Variants in COL8A2 observed in about 807,000 individuals in gnomAD.
The protein encoded by COL8A2 is collagen type VIII alpha 2 chain.
Under a neutral mutation model 24.0 loss-of-function variants are expected in COL8A2, and 16 were observed. The observed-to-expected ratio is 0.67, with a 90% confidence interval of 0.45 to 1.01. The LOEUF (loss-of-function observed/expected upper bound fraction) is 1.01. COL8A2 is among the 50% of genes least tolerant of loss of function. COL8A2 has a pLI of 0.00. For missense variants in COL8A2, 818 were observed against 942.4 expected, an observed-to-expected ratio of 0.87 and a Z score of 1.73; for synonymous variants, 466 against 424.5, an observed-to-expected ratio of 1.10 and a Z score of -1.20.
chr1:36,123,524 C>A lies in COL8A2; in HGVS notation c.-62+1533G>T, dbSNP rs1482419890. On this transcript the variant is annotated intron_variant, in intron 1 of 3. Transcript: ENST00000397799. This position sits in a 1 kb window ranked among gnomAD's most constrained non-coding sequence, Gnocchi z 4.1. ...GACGAAGTGAAACCAGAGAAAGAGA[C>A]CCTGGTGAGTGTGTCTGGGTGTGAG... 6.6e-6 allele frequency among the ~76,000 whole-genome samples: 1 copy of A among 152,138 alleles called. No homozygotes were observed. Among genetic ancestry groups the A allele is most frequent in the Admixed American group, 6.6e-5 (1 of 15,266 alleles).
intron 1 of COL8A2, among the ~76,000 whole-genome samples, chr1:36,120,220 C>G (rs957490374): frequency 2.2e-4 from 34 of 152,228 alleles, no homozygotes; most frequent in African/African-American, 8.2e-4. Context: ...TTGGGAGGCT[C>G]AGGCGGGCGG....
intron 2 of COL8A2, among the ~76,000 whole-genome samples, chr1:36,114,740 G>A (rs1004995990): frequency 2.0e-5 from 3 of 152,064 alleles, no homozygotes; most frequent in Non-Finnish European, 2.9e-5. Context: ...GATGAAGCCT[G>A]TAGCCTGGGG....
In COL8A2 at chr1:36,095,649, G is replaced by T. The variant is rs578129822; in HGVS notation, c.*1920C>A. 5.9e-5 allele frequency: 9 copies of T among 152,168 alleles called. No homozygotes were observed. Among genetic ancestry groups the T allele is most frequent in the Non-Finnish European group, 1.0e-4 (7 of 68,034 alleles). The allele number at this position is 152,168 out of a possible 1,614,324, so 9.4% of individuals were successfully genotyped here. A position where few individuals can be genotyped will look rare whatever the true frequency, so the allele number is the denominator to read the frequency against. Reference sequence around the variant, plus strand: ...GGCAGAAGCTCAGCTCTGTGAAATAGCTCCCGTTTTTTTTCTTGGGACCCT... The same window carrying T: ...GGCAGAAGCTCAGCTCTGTGAAATATCTCCCGTTTTTTTTCTTGGGACCCT... On this transcript the variant is annotated 3_prime_UTR_variant, in exon 4 of 4. Coordinates refer to ENST00000397799, the MANE Select transcript of COL8A2 (RefSeq NM_005202.4).
At chr1:36,113,671 T>G (rs1233233816) in intron 2 of COL8A2, among the ~76,000 whole-genome samples, 2 of 152,194 alleles carry the variant, frequency 1.3e-5, no homozygotes, top group Non-Finnish European at 2.9e-5. Flanking sequence ...AGGGCAGGAC[T>G]GCCTGGGGGC....
Position 36,098,130 on chromosome 1 carries a change from G to T in COL8A2, c.1551C>A (p.Ile517=), listed in dbSNP as rs1643605082. The part of the protein sequence containing the change: ...GPPGVPGSPG[I]TGPPGPPGPP... ...GCCCGGGAGGCCCCGGAGGGCCCGTGATTCCAGGGGAGCCAGGGACCCCTG... is the reference window on the plus strand; with the variant it reads ...GCCCGGGAGGCCCCGGAGGGCCCGTTATTCCAGGGGAGCCAGGGACCCCTG... Residue 517 remains isoleucine, a synonymous_variant, in exon 4 of 4, where the codon ATC becomes ATA. Coordinates refer to ENST00000397799, the MANE Select transcript of COL8A2 (RefSeq NM_005202.4). The T allele has an allele frequency of 2.0e-6, 3 of 1,485,510 alleles. No individual in the cohort carries two copies. Among genetic ancestry groups the T allele is most frequent in the Admixed American group, 5.1e-5 (2 of 39,014 alleles). The allele number at this position is 1,485,510 out of a possible 1,614,324, so 92.0% of individuals were successfully genotyped here. A position where few individuals can be genotyped will look rare whatever the true frequency, so the allele number is the denominator to read the frequency against.
intron 2 of COL8A2, among the ~76,000 whole-genome samples, chr1:36,113,287 T>A (rs1364086216): frequency 6.6e-6 from 1 of 152,232 alleles, no homozygotes; most frequent in African/African-American, 2.4e-5. Flanking sequence ...GTCTCTCTCA[T>A]CCTGTCTCTG....
rs762097527 is a variant in COL8A2, at chr1:36,100,098, T to C, written c.145A>G (p.Lys49Glu). The C allele has an allele frequency of 3.1e-6, 5 of 1,612,590 alleles. No individual in the cohort carries two copies. The African/African-American group carries it at 6.7e-5, about 22-fold the overall frequency. Residue 49 changes from lysine to glutamate, a missense_variant, in exon 3 of 4, where the codon AAA becomes GAA. By Grantham distance (56) the Lys-to-Glu change is moderately conservative. This residue lies in a region of COL8A2 where 573 missense variants were observed against 616.8 expected (regional missense o/e 0.93). Coordinates refer to ENST00000397799, the MANE Select transcript of COL8A2 (RefSeq NM_005202.4). ...CGGAAGGGCGGTCCCACAGGTCCTT[T>C]CTGCATGGGCTGGATGTACTTCACT... ...APVKYIQPMQ[K>E]GPVGPPFREG...
chr1:36,104,746 G>T (rs1643731157), intron 2 of COL8A2, among the ~76,000 whole-genome samples: 1 of 152,112 alleles, frequency 6.6e-6, no homozygotes, highest in African/African-American at 2.4e-5. Flanking sequence ...GGTGAGCCGA[G>T]GTCGCGCCAC....
chr1:36,108,894 A>AT (rs988404148), intron 2 of COL8A2, among the ~76,000 whole-genome samples: 2 of 152,154 alleles, frequency 1.3e-5, no homozygotes, highest in African/African-American at 4.8e-5. Context: ...GAGGAGGGCT[A>AT]TGTGGTAGCA....
chr1:36,115,465 G>A lies in COL8A2; in HGVS notation c.-17+243C>T, dbSNP rs1481001990. On this transcript the variant is annotated intron_variant, in intron 2 of 3. Coordinates refer to ENST00000397799, the MANE Select transcript of COL8A2 (RefSeq NM_005202.4). This position sits in a 1 kb window ranked among gnomAD's most constrained non-coding sequence, Gnocchi z 5.7. ...ACCCAGGCTGGGCCAAGCAAACACG[G>A]CCCCGCCAAGGAGCCAGGCGAAATA... Among the ~76,000 whole-genome samples, 2 of 152,126 alleles carry A rather than the reference G, an allele frequency of 1.3e-5. No individual in the cohort carries two copies. Among genetic ancestry groups the A allele is most frequent in the African/African-American group, 2.4e-5 (1 of 41,442 alleles).
In COL8A2 at chr1:36,100,107, G is replaced by C. The variant is rs754895601; in HGVS notation, c.136C>G (p.Pro46Ala). 5.0e-6 allele frequency: 8 copies of C among 1,613,046 alleles called. No homozygotes were observed. The highest frequency in any genetic ancestry group is 5.1e-6 in the Non-Finnish European group (6 of 1,179,368). The change falls in exon 3 of 4, where the codon CCC (proline) becomes GCC (alanine). Residue 46 changes from proline to alanine, a missense_variant. Physicochemically the swap from Pro to Ala is conservative, Grantham distance 27. Transcript: ENST00000397799. ...GGTCCCACAGGTCCTTTCTGCATGG[G>C]CTGGATGTACTTCACTGGGGCATAG... ...AGYAPVKYIQ[P>A]MQKGPVGPPF...
chr1:36,119,603 T>C (rs917393199), intron 1 of COL8A2, among the ~76,000 whole-genome samples: 2 of 152,104 alleles, frequency 1.3e-5, no homozygotes, highest in African/African-American at 4.8e-5. Context: ...CCAGGAACTA[T>C]GAAAAGAATG....
In COL8A2 at chr1:36,098,632, T is replaced by C. The variant is rs774933715; in HGVS notation, c.1049A>G (p.Glu350Gly). Reference protein sequence around the residue: ...GEPGEDGEPGEQGPQGLGGPP... With the variant: ...GEPGEDGEPGGQGPQGLGGPP... ...ACCCCCAAGACCCTGTGGGCCCTGC[T>C]CCCCTGGCTCCCCATCCTCCCCTGG... Residue 350 changes from glutamate to glycine, a missense_variant, in exon 4 of 4, where the codon GAG (glutamate) becomes GGG (glycine). Physicochemically the swap from Glu to Gly is moderately conservative, Grantham distance 98. Transcript: ENST00000397799. 6.2e-7 allele frequency: 1 copy of C among 1,610,652 alleles called. No individual in the cohort carries two copies. Among genetic ancestry groups the C allele is most frequent in the Non-Finnish European group, 8.5e-7 (1 of 1,179,294 alleles).
intron 3 of COL8A2, 36 bp downstream of exon 3, chr1:36,100,014 G>A (rs896263564): frequency 5.0e-6 from 8 of 1,591,930 alleles, no homozygotes; most frequent in Middle Eastern, 1.8e-4. Context: ...GGGGCTGGGA[G>A]CGATTTGAGG....
intron 2 of COL8A2, 129 bp from the exon 3 acceptor site, chr1:36,100,387 C>T (rs1263542089): frequency 1.3e-4 from 118 of 892,384 alleles, no homozygotes; most frequent in Non-Finnish European, 2.0e-4. Flanking sequence ...GAAGCAATTC[C>T]GAATTTAGAT....
rs766724525 is a variant in COL8A2, at chr1:36,099,147, T to A, written c.534A>T (p.Gln178His). ...GITIPGKPGA[Q>H]GVPGPPGFQG... Reference sequence around the variant, plus strand: ...GGAATCCTGGGGGCCCTGGCACCCCTTGGGCACCTGGTTTTCCAGGGATAG... The same window carrying A: ...GGAATCCTGGGGGCCCTGGCACCCCATGGGCACCTGGTTTTCCAGGGATAG... Residue 178 changes from glutamine (Q) to histidine (H), a missense_variant, in exon 4 of 4, where the codon CAA becomes CAT. Physicochemically the swap from Gln to His is conservative, Grantham distance 24. Coordinates refer to ENST00000397799, the MANE Select transcript of COL8A2 (RefSeq NM_005202.4). The A allele has an allele frequency of 2.7e-6, 4 of 1,502,344 alleles. No homozygotes were observed. Among genetic ancestry groups the A allele is most frequent in the Non-Finnish European group, 3.5e-6 (4 of 1,127,032 alleles). 93.1% of individuals were successfully genotyped at this position (1,502,344 alleles called of 1,614,324 possible). A position where few individuals can be genotyped will look rare whatever the true frequency, so the allele number is the denominator to read the frequency against.
At position 36,095,972 on chromosome 1, in the gene COL8A2, G is replaced by A. The variant is rs879467223; in HGVS notation, c.*1597C>T. On this transcript the variant is annotated 3_prime_UTR_variant, in exon 4 of 4. Transcript: ENST00000397799. ...TTGTTTGGAGAAGTTGTGGGCAGGGGAGGAGGGTTGGCAAGGAACCTGAAG... is the reference window on the plus strand; with the variant it reads ...TTGTTTGGAGAAGTTGTGGGCAGGGAAGGAGGGTTGGCAAGGAACCTGAAG... 6.6e-6 allele frequency: 1 copy of A among 152,246 alleles called. No individual in the cohort carries two copies. The highest frequency in any genetic ancestry group is 1.5e-5 in the Non-Finnish European group (1 of 68,052). 9.4% of individuals were successfully genotyped at this position (152,246 alleles called of 1,614,324 possible). A position where few individuals can be genotyped will look rare whatever the true frequency, so the allele number is the denominator to read the frequency against.
chr1:36,100,181 C>CCCAGCA lies in COL8A2; in HGVS notation c.56_61dup (p.Val19_Leu20dup), dbSNP rs779861980. 3.1e-6 allele frequency: 5 copies of CCCAGCA among 1,608,348 alleles called. No homozygotes were observed. Among genetic ancestry groups the CCCAGCA allele is most frequent in the Admixed American group, 3.4e-5 (2 of 59,298 alleles). On this transcript the variant is annotated inframe_insertion, in exon 3 of 4. Coordinates refer to ENST00000397799, the MANE Select transcript of COL8A2 (RefSeq NM_005202.4). ...ACCAGAGGACGCCCGCGGCCCACAC[C>CCCAGCA]CCAGCACCAGCACCAGTAGCAGCAG...
intron 1 of COL8A2, among the ~76,000 whole-genome samples, chr1:36,121,113 T>C (rs1355568563): frequency 1.4e-5 from 2 of 141,740 alleles, no homozygotes; most frequent in African/African-American, 5.3e-5. Context: ...AGACCAGGCA[T>C]GGCACGGTGG....
Sources: gnomAD v4.1 joint callset for allele counts (sites outside exome capture counted in the v4.1 genomes callset) on GRCh38, gnomAD v4.1.1 for gene constraint, gnomAD v4.1.1 regional missense constraint, Gnocchi (gnomAD v3.1) non-coding constraint, MANE v1.5 for transcripts, NCBI Gene and HGNC (gene_info 2026-07-23, HGNC 2026-07-21) for gene names.